PDLIM7: variants seen among roughly 807,000 people sequenced by gnomAD.
PDLIM7 encodes PDZ and LIM domain 7, also known as PDZ and LIM domain protein 7.
In PDLIM7, 37 loss-of-function variants were observed where a neutral mutation model predicts 53.9. The ratio of observed to expected loss-of-function variants is 0.69; its 90% CI spans 0.53 to 0.90. The LOEUF (loss-of-function observed/expected upper bound fraction) is 0.90, where lower values mean the gene tolerates loss of function less well. Ranked by LOEUF, PDLIM7 falls within the 40% of genes least tolerant of loss-of-function variation. The pLI is 0.00. For synonymous variants in PDLIM7, 300 were observed against 261.3 expected, an observed-to-expected ratio of 1.15 and a Z score of -1.43; for missense variants, 617 against 638.5, an observed-to-expected ratio of 0.97 and a Z score of 0.36.
intron 5 of PDLIM7, chr5:177,491,511 G>A (rs1490764781): frequency 1.9e-6 from 2 of 1,028,284 alleles, no homozygotes; most frequent in East Asian, 2.6e-5. Context: ...AGAACAGCCG[G>A]GGACAAGGCG....
chr5:177,487,081 C>G (rs181471851), intron 10 of PDLIM7, among the ~76,000 whole-genome samples: 9 of 151,890 alleles, frequency 5.9e-5, no homozygotes, highest in African/African-American at 1.7e-4. Flanking sequence ...ACTACAGGTG[C>G]GCCAGCACAC....
chr5:177,495,459 C>A (rs1237953659), intron 2 of PDLIM7, among the ~76,000 whole-genome samples: 2 of 152,196 alleles, frequency 1.3e-5, no homozygotes, highest in Non-Finnish European at 2.9e-5. Context: ...AAGTCCCCAC[C>A]CCCTCCTGAC....
At chr5:177,490,655 G>T in intron 7 of PDLIM7, 1 of 1,148,816 alleles carries the variant, frequency 8.7e-7, no homozygotes. Context: ...GGGAGGCAGG[G>T]AGGGAGGAGG....
At chr5:177,492,026 C>G (rs1310534653) in intron 4 of PDLIM7, 101 bp from the exon 5 acceptor site, 1 of 467,584 alleles carries the variant, frequency 2.1e-6, no homozygotes, top group Non-Finnish European at 3.6e-6. Flanking sequence ...AGCTCCAGCC[C>G]CCCACCCCCA....
intron 10 of PDLIM7, among the ~76,000 whole-genome samples, chr5:177,486,667 C>T (rs562379415): frequency 1.3e-5 from 2 of 152,274 alleles, no homozygotes; most frequent in South Asian, 2.1e-4. Context: ...AGACAAGAGT[C>T]TCGCTCTGTC....
In PDLIM7 at chr5:177,490,712, GGGAAGGAAGGAAGGAAGGAA is replaced by G. The variant is rs573434723; in HGVS notation, c.572+138_572+157del. 589 of 630,948 alleles carry G rather than the reference GGGAAGGAAGGAAGGAAGGAA, an allele frequency of 9.3e-4. 1 individual carries two copies. Among genetic ancestry groups the G allele is most frequent in the East Asian group, 2.6e-3 (63 of 24,186 alleles). The allele number at this position is 630,948 out of a possible 1,614,324, so 39.1% of individuals were successfully genotyped here. A position where few individuals can be genotyped will look rare whatever the true frequency, so the allele number is the denominator to read the frequency against. ...AATGAAAGAAGGAAGGAAGGAGGAAGGGAAGGAAGGAAGGAAGGAAGGAAGGAAGGAAGGAAGGAAGGAAG... is the reference window on the plus strand; with the variant it reads ...AATGAAAGAAGGAAGGAAGGAGGAAGGGAAGGAAGGAAGGAAGGAAGGAAG... On this transcript the variant is annotated intron_variant, in intron 7 of 12. Coordinates refer to ENST00000355841, the MANE Select transcript of PDLIM7 (RefSeq NM_005451.5).
At position 177,490,925 on chromosome 5, in the gene PDLIM7, G is replaced by A. The variant is rs1758737609; in HGVS notation, c.536-19C>T. 1 of 1,614,086 alleles carries A rather than the reference G, an allele frequency of 6.2e-7. No homozygotes were observed. ...TCTTGCACTGAGAGGGCAGAGGCAGGCATTGACCAAAAAAGACACAGGGTC... is the reference window on the plus strand; with the variant it reads ...TCTTGCACTGAGAGGGCAGAGGCAGACATTGACCAAAAAAGACACAGGGTC... On this transcript the variant is annotated intron_variant, in intron 6 of 12. Transcript: ENST00000355841.
chr5:177,492,500 G>C, intron 3 of PDLIM7, 26 bp downstream of exon 3: 1 of 1,613,650 alleles, frequency 6.2e-7, no homozygotes, highest in Non-Finnish European at 8.5e-7. Context: ...CAGCGCGGGC[G>C]CACCCATCCA....
chr5:177,490,927 A>G, intron 6 of PDLIM7, 21 bp from the exon 7 acceptor site: 1 of 1,614,120 alleles, frequency 6.2e-7, no homozygotes, highest in Non-Finnish European at 8.5e-7. Flanking sequence ...AGAGGCAGGC[A>G]TTGACCAAAA....
At position 177,484,150 on chromosome 5, in the gene PDLIM7, C is replaced by A; in HGVS notation, c.1091G>T (p.Cys364Phe). ...HALKMTWHVH[C>F]FTCAACKTPI... ...CGTCTTGCAGGCAGCACAGGTAAAGCAGTGCACGTGCCAGGTCATCTTCAG... is the reference window on the plus strand; with the variant it reads ...CGTCTTGCAGGCAGCACAGGTAAAGAAGTGCACGTGCCAGGTCATCTTCAG... Residue 364 changes from cysteine to phenylalanine, a missense_variant, in exon 11 of 13, where the codon TGC becomes TTC. Cys to Phe is a radical substitution (Grantham distance 205). Transcript: ENST00000355841. 6.2e-7 allele frequency: 1 copy of A among 1,613,916 alleles called. No individual in the cohort carries two copies. Among genetic ancestry groups the A allele is most frequent in the Non-Finnish European group, 8.5e-7 (1 of 1,179,982 alleles).
At chr5:177,489,106 C>T (rs1327155099) in intron 9 of PDLIM7, among the ~76,000 whole-genome samples, 21 of 152,192 alleles carry the variant, frequency 1.4e-4, no homozygotes. Flanking sequence ...GGGGGCAGGC[C>T]CCTCTTTGCC....
chr5:177,490,689 TGAAA>T (rs1177445116), intron 7 of PDLIM7, 177 bp downstream of exon 7: 17 of 850,242 alleles, frequency 2.0e-5, no homozygotes, highest in South Asian at 5.0e-5. Context: ...AGGGAAGAAA[TGAAA>T]GAAGGAAGGA....
intron 9 of PDLIM7, 22 bp from the exon 10 acceptor site, chr5:177,488,270 C>T (rs1441781462): frequency 6.4e-7 from 1 of 1,573,022 alleles, no homozygotes; most frequent in Non-Finnish European, 8.6e-7. Context: ...CGAGAGCGGT[C>T]AGAGGGAGCA....
In PDLIM7 at chr5:177,488,214, G is replaced by A. The variant is rs2127411379; in HGVS notation, c.904C>T (p.His302Tyr). Reference protein sequence around the residue: ...RYLVALGHAYHPEEFVCSQCG... With the variant: ...RYLVALGHAYYPEEFVCSQCG... ...TGGCTACACACAAACTCCTCCGGGTGGTACGCGTGGCCCAGCGCCACCAGG... is the reference window on the plus strand; with the variant it reads ...TGGCTACACACAAACTCCTCCGGGTAGTACGCGTGGCCCAGCGCCACCAGG... The change falls in exon 10 of 13, where the codon CAC (histidine) becomes TAC (tyrosine). Residue 302 changes from histidine (H) to tyrosine (Y), a missense_variant. By Grantham distance (83) the His-to-Tyr change is moderately conservative. Coordinates refer to ENST00000355841, the MANE Select transcript of PDLIM7 (RefSeq NM_005451.5). 3 of 1,610,650 alleles carry A rather than the reference G, an allele frequency of 1.9e-6. No individual in the cohort carries two copies. Among genetic ancestry groups the A allele is most frequent in the Non-Finnish European group, 2.5e-6 (3 of 1,178,422 alleles).
Position 177,489,799 on chromosome 5 carries a change from G to T in PDLIM7, c.606C>A (p.Ala202=). Residue 202 remains alanine, a synonymous_variant, in exon 8 of 13, where the codon GCC becomes GCA. Coordinates refer to ENST00000355841, the MANE Select transcript of PDLIM7 (RefSeq NM_005451.5). ...QVPRTEAPAP[A]SSTPQEPWPG... ...GCCAGGGCTCCTGGGGTGTAGATGA[G>T]GCTGGGGCTGGGGCTTCTGTCCTGG... 1 of 1,565,726 alleles carries T rather than the reference G, an allele frequency of 6.4e-7. No individual in the cohort carries two copies. Among genetic ancestry groups the T allele is most frequent in the Non-Finnish European group, 8.6e-7 (1 of 1,157,040 alleles).
chr5:177,490,024 G>T, intron 7 of PDLIM7, 192 bp from the exon 8 acceptor site: 1 of 1,534,142 alleles, frequency 6.5e-7, no homozygotes, highest in Non-Finnish European at 8.7e-7. Flanking sequence ...CTGGTGTGCG[G>T]TCTCTAGCTG....
intron 9 of PDLIM7, 139 bp downstream of exon 9, chr5:177,489,254 C>T: frequency 4.4e-6 from 3 of 689,278 alleles, no homozygotes; most frequent in South Asian, 1.9e-5. Context: ...AGGACCCAGC[C>T]CAGGTCCCTA....
chr5:177,490,908 TGA>T lies in PDLIM7; in HGVS notation c.536-4_536-3del. 1 of 1,613,874 alleles carries T rather than the reference TGA, an allele frequency of 6.2e-7. No homozygotes were observed. The highest frequency in any genetic ancestry group is 2.2e-5 in the East Asian group (1 of 44,844). ...GGTGCTCCTCATCCGGGTCTTGCACTGAGAGGGCAGAGGCAGGCATTGACCAA... is the reference window on the plus strand; with the variant it reads ...GGTGCTCCTCATCCGGGTCTTGCACTGAGGGCAGAGGCAGGCATTGACCAA... On this transcript the variant is annotated splice_region_variant and splice_polypyrimidine_tract_variant and intron_variant, in intron 6 of 12. Coordinates refer to ENST00000355841, the MANE Select transcript of PDLIM7 (RefSeq NM_005451.5).
chr5:177,488,970 G>C (rs559264476), intron 9 of PDLIM7, among the ~76,000 whole-genome samples: 135 of 152,334 alleles, frequency 8.9e-4, no homozygotes, highest in Non-Finnish European at 1.6e-3. Context: ...CCGGCACGCT[G>C]ATGCTGGGGG....
Sources: gnomAD v4.1 joint callset for allele counts (sites outside exome capture counted in the v4.1 genomes callset) on GRCh38, gnomAD v4.1.1 for gene constraint, MANE v1.5 for transcripts, NCBI Gene and HGNC (gene_info 2026-07-23, HGNC 2026-07-21) for gene names.